The following FAM234A variants were observed in gnomAD, a reference collection of about 807,000 sequenced individuals.
FAM234A encodes protein FAM234A.
In FAM234A, 42 loss-of-function variants were observed where a neutral mutation model predicts 49.1. The ratio of observed to expected loss-of-function variants is 0.86; its 90% confidence interval spans 0.67 to 1.11. FAM234A has a LOEUF of 1.11. Among genes scored for constraint, FAM234A ranks in the 50% least tolerant of loss-of-function variants. The pLI is 0.00. For synonymous variants in FAM234A, 369 were observed against 316.2 expected (o/e 1.17, Z -1.77); for missense variants, 815 against 745.2 (o/e 1.09, Z -1.09).
At chr16:254,759 T>C in intron 3 of FAM234A, 78 bp downstream of exon 3, 1 of 1,441,632 alleles carries the variant, frequency 6.9e-7, no homozygotes, top group South Asian at 1.2e-5. Context: ...CAGAACTGTG[T>C]CTGCGAGTCT....
At chr16:244,183 T>G (rs531164478) in intron 1 of FAM234A, among the ~76,000 whole-genome samples, 1 of 152,126 alleles carries the variant, frequency 6.6e-6, no homozygotes, top group Admixed American at 6.6e-5. Context: ...TTAGCTAGGA[T>G]GGTCTCGATC....
intron 8 of FAM234A, 97 bp from the exon 9 acceptor site, chr16:263,165 A>G (rs1295478889): frequency 6.9e-7 from 1 of 1,446,886 alleles, no homozygotes; most frequent in African/African-American, 1.4e-5. Flanking sequence ...TGGGGGCCTA[A>G]GAGGAGCACC....
intron 1 of FAM234A, among the ~76,000 whole-genome samples, chr16:238,432 T>G (rs1042660674): frequency 8.5e-5 from 13 of 152,128 alleles, no homozygotes; most frequent in African/African-American, 2.9e-4. Context: ...TCTGATTAGT[T>G]AGCTAGGGCC....
chr16:261,223 G>T, intron 5 of FAM234A, 161 bp from the exon 6 acceptor site: 1 of 768,190 alleles, frequency 1.3e-6, no homozygotes. Context: ...CAGGAGTGCC[G>T]CCCTCCCCTC....
At chr16:241,187 C>T (rs375377357) in intron 1 of FAM234A, among the ~76,000 whole-genome samples, 2 of 151,844 alleles carry the variant, frequency 1.3e-5, no homozygotes, top group Non-Finnish European at 2.9e-5. Context: ...TGTAGCCTCC[C>T]GAAGTTGCTG....
intron 1 of FAM234A, among the ~76,000 whole-genome samples, chr16:249,203 T>G (rs1257784195): frequency 1.3e-5 from 2 of 151,804 alleles, no homozygotes; most frequent in Non-Finnish European, 2.9e-5. Flanking sequence ...AGGCTGGCTG[T>G]GGGGGGATGC....
intron 1 of FAM234A, among the ~76,000 whole-genome samples, chr16:244,845 G>A (rs916261511): frequency 6.6e-6 from 1 of 151,190 alleles, no homozygotes; most frequent in African/African-American, 2.4e-5. Context: ...GCACCACCAC[G>A]CCCGGCTAAT....
chr16:250,400 T>C (rs56038902), intron 2 of FAM234A, among the ~76,000 whole-genome samples: 32,598 of 151,776 alleles, frequency 0.21, 3,827 homozygotes, highest in East Asian at 0.44. Flanking sequence ...AGTTACCTTT[T>C]CCAGACAACC....
intron 2 of FAM234A, among the ~76,000 whole-genome samples, chr16:250,428 A>G (rs1182897938): frequency 6.6e-6 from 1 of 150,522 alleles, no homozygotes; most frequent in Non-Finnish European, 1.5e-5. Flanking sequence ...TGCCTTCCCC[A>G]CCCCCATGCC....
chr16:244,109 C>A (rs1037924057), intron 1 of FAM234A, among the ~76,000 whole-genome samples: 3 of 152,026 alleles, frequency 2.0e-5, no homozygotes, highest in African/African-American at 7.2e-5. Context: ...GCTGGGACTA[C>A]AGGCACCCGC....
At chr16:253,157 T>C (rs866487707) in intron 2 of FAM234A, among the ~76,000 whole-genome samples, 4 of 152,110 alleles carry the variant, frequency 2.6e-5, no homozygotes, top group Middle Eastern at 6.3e-3. Context: ...CATGTTCAAA[T>C]GTGTTTTCCG....
chr16:253,003 G>A (rs947321164), intron 2 of FAM234A, among the ~76,000 whole-genome samples: 2 of 152,204 alleles, frequency 1.3e-5, no homozygotes, highest in Non-Finnish European at 2.9e-5. Flanking sequence ...TTAGGACATC[G>A]GTTTGGTTGT....
At chr16:237,249 C>G (rs1192212482) in intron 1 of FAM234A, among the ~76,000 whole-genome samples, 4 of 151,972 alleles carry the variant, frequency 2.6e-5, no homozygotes, top group Non-Finnish European at 4.4e-5. Context: ...CTGCTGACTT[C>G]TAATGGTTGT....
intron 2 of FAM234A, among the ~76,000 whole-genome samples, chr16:250,182 C>T (rs886588691): frequency 8.5e-5 from 13 of 152,196 alleles, no homozygotes; most frequent in African/African-American, 2.2e-4. Context: ...CCTCCCACCT[C>T]GGCCTCTCAA....
downstream of FAM234A, among the ~76,000 whole-genome samples, chr16:267,459 T>C (rs1008722502): frequency 1.6e-4 from 24 of 151,790 alleles, no homozygotes; most frequent in Admixed American, 3.3e-4. Context: ...CATTCACACA[T>C]ATGTACTATA....
chr16:259,956 T>TCTCTCCCTACAGGCTTTTC lies in FAM234A; in HGVS notation c.386-4_400dup, dbSNP rs1491407018. Reference sequence around the variant, plus strand: ...ATGGTGCAACAGTGAGGTGCCGGTGTCTCTCCCTACAGGCTTTTCCTCTCC... The same window carrying TCTCTCCCTACAGGCTTTTC: ...ATGGTGCAACAGTGAGGTGCCGGTGTCTCTCCCTACAGGCTTTTCCTCTCCCTACAGGCTTTTCCTCTCC... On this transcript the variant is annotated splice_polypyrimidine_tract_variant and intron_variant, in intron 4 of 12. Coordinates refer to ENST00000399932, the MANE Select transcript of FAM234A (RefSeq NM_032039.4). 1.2e-6 allele frequency: 2 copies of TCTCTCCCTACAGGCTTTTC among 1,609,368 alleles called. No homozygotes were observed. Among genetic ancestry groups the TCTCTCCCTACAGGCTTTTC allele is most frequent in the East Asian group, 4.5e-5 (2 of 44,810 alleles).
At chr16:238,919 C>CAA (rs1161101529) in intron 1 of FAM234A, among the ~76,000 whole-genome samples, 1 of 91,678 alleles carries the variant, frequency 1.1e-5, no homozygotes, top group Non-Finnish European at 2.3e-5. Context: ...CCCATCTCTA[C>CAA]AAAAAAAAAA....
downstream of FAM234A, chr16:268,879 G>C: frequency 6.4e-7 from 1 of 1,550,518 alleles, no homozygotes; most frequent in South Asian, 1.2e-5. Flanking sequence ...CCGCCCGCCT[G>C]TGCATCTTGC....
In FAM234A at chr16:263,686, C is replaced by G. The variant is rs891976336; in HGVS notation, c.1113-14C>G. 6.2e-7 allele frequency: 1 copy of G among 1,608,452 alleles called. No individual in the cohort carries two copies. The highest frequency in any genetic ancestry group is 8.5e-7 in the Non-Finnish European group (1 of 1,175,076). ...CTGAGACCCCTCGTGAGCGCTTCCT[C>G]CATATTGTTCCAGAAAACCCATCTT... is the stretch of plus-strand genomic sequence containing the variant. On this transcript the variant is annotated splice_polypyrimidine_tract_variant and intron_variant, in intron 9 of 12. Transcript: ENST00000399932.
Sources: allele counts gnomAD v4.1 joint callset (sites outside exome capture counted in the v4.1 genomes callset), GRCh38; gene constraint gnomAD v4.1.1; transcripts MANE v1.5; gene names NCBI Gene and HGNC (gene_info 2026-07-23, HGNC 2026-07-21).